Variants in SGCZ observed in about 807,000 individuals in gnomAD.
SGCZ encodes sarcoglycan zeta, also known as zeta-sarcoglycan.
SGCZ carries 40 observed loss-of-function variants against 41.3 expected under a neutral mutation model. The ratio of observed to expected loss-of-function variants is 0.97; its 90% CI spans 0.75 to 1.26. The LOEUF (loss-of-function observed/expected upper bound fraction) is 1.26. Among genes scored for constraint, SGCZ ranks in the 50% most tolerant of loss-of-function variants. The pLI is 0.00. For missense variants in SGCZ, 552 were observed against 369.8 expected (o/e 1.49, Z -4.04); for synonymous variants, 206 against 137.5 (o/e 1.50, Z -3.49).
intron 1 of SGCZ, among the ~76,000 whole-genome samples, chr8:14,776,695 G>C (rs925779827): frequency 1.3e-5 from 2 of 151,412 alleles, no homozygotes; most frequent in Non-Finnish European, 2.9e-5. Flanking sequence ...GGGTTTCACC[G>C]TGTTAGCCAG....
At chr8:14,210,626 C>A (rs1014502906) in intron 4 of SGCZ, among the ~76,000 whole-genome samples, 4 of 151,762 alleles carry the variant, frequency 2.6e-5, no homozygotes, top group Non-Finnish European at 4.4e-5. Context: ...CCACTCTCTG[C>A]TAAATTTTTT....
intron 1 of SGCZ, among the ~76,000 whole-genome samples, chr8:14,711,805 T>C (rs1054727091): frequency 5.9e-5 from 9 of 152,156 alleles, no homozygotes; most frequent in African/African-American, 2.2e-4. Flanking sequence ...TGATAGGAGA[T>C]GGACAAAGAA....
At chr8:14,266,947 A>G (rs17118885) in intron 3 of SGCZ, among the ~76,000 whole-genome samples, 5,291 of 152,210 alleles carry the variant, frequency 0.035, 280 homozygotes, top group African/African-American at 0.11. Flanking sequence ...TTTACTAGCT[A>G]AATGACTTCT....
At chr8:14,364,811 A>C (rs928719190) in intron 2 of SGCZ, among the ~76,000 whole-genome samples, 1 of 152,116 alleles carries the variant, frequency 6.6e-6, no homozygotes, top group Non-Finnish European at 1.5e-5. Flanking sequence ...AATCGTTTAT[A>C]ATCTTTGCCC....
intron 1 of SGCZ, among the ~76,000 whole-genome samples, chr8:15,140,274 A>G (rs1808272721): frequency 6.6e-6 from 1 of 152,056 alleles, no homozygotes; most frequent in Non-Finnish European, 1.5e-5. Context: ...ATCCTCCCAC[A>G]TTGGCCTCCC....
intron 1 of SGCZ, among the ~76,000 whole-genome samples, chr8:14,952,840 A>G (rs1042331142): frequency 6.6e-6 from 1 of 152,316 alleles, no homozygotes; most frequent in Admixed American, 6.5e-5. Flanking sequence ...TAGAAGAAAG[A>G]TGTCCTGATA....
intron 3 of SGCZ, among the ~76,000 whole-genome samples, chr8:14,305,097 G>C (rs1801308725): frequency 6.6e-6 from 1 of 152,066 alleles, no homozygotes; most frequent in Non-Finnish European, 1.5e-5. Flanking sequence ...TGTAAAGATG[G>C]TAGATAAAAT....
At chr8:14,270,219 C>G (rs1314370594) in intron 3 of SGCZ, among the ~76,000 whole-genome samples, 1 of 152,002 alleles carries the variant, frequency 6.6e-6, no homozygotes, top group Non-Finnish European at 1.5e-5. Flanking sequence ...GTAATCCCAG[C>G]TACTAGGGAG....
chr8:14,622,773 A>G lies in SGCZ; in HGVS notation c.40-67847T>C, dbSNP rs189452155. Among the ~76,000 whole-genome samples the G allele has an allele frequency of 1.9e-3, 288 of 152,320 alleles. 6 individuals are homozygous for G. Among genetic ancestry groups the G allele is most frequent in the Admixed American group, 0.018 (275 of 15,286 alleles). ...AAACCAGAAGACTAAGGGTGCCAAT[A>G]ATAAATCAAAATAAATTTCACTGAT... On this transcript the variant is annotated intron_variant, in intron 1 of 7. Transcript: ENST00000382080.
At chr8:14,530,125 G>A (rs1248992796) in intron 2 of SGCZ, among the ~76,000 whole-genome samples, 1 of 151,788 alleles carries the variant, frequency 6.6e-6, no homozygotes, top group African/African-American at 2.4e-5. Flanking sequence ...CCATGCATTT[G>A]CGTATTATGG....
chr8:15,007,464 A>T (rs961872661), intron 1 of SGCZ, among the ~76,000 whole-genome samples: 1 of 152,260 alleles, frequency 6.6e-6, no homozygotes, highest in African/African-American at 2.4e-5. Flanking sequence ...GAGAGGCAAC[A>T]GAGGGTAATA....
At chr8:14,377,703 C>T (rs1804186105) in intron 2 of SGCZ, among the ~76,000 whole-genome samples, 2 of 151,376 alleles carry the variant, frequency 1.3e-5, no homozygotes, top group South Asian at 2.1e-4. Flanking sequence ...CAACAGTCCT[C>T]AGAGTGTGAT....
At chr8:14,510,022 G>A (rs1189159758) in intron 2 of SGCZ, among the ~76,000 whole-genome samples, 1 of 152,054 alleles carries the variant, frequency 6.6e-6, no homozygotes, top group South Asian at 2.1e-4. Context: ...TGACATTTGG[G>A]TGGGAACACA....
chr8:14,975,625 G>A (rs1001904248), intron 1 of SGCZ, among the ~76,000 whole-genome samples: 1 of 152,024 alleles, frequency 6.6e-6, no homozygotes, highest in African/African-American at 2.4e-5. Flanking sequence ...TGTGTAGTAT[G>A]CTTTGTAACC....
chr8:14,950,930 C>G (rs980571955), intron 1 of SGCZ, among the ~76,000 whole-genome samples: 1 of 151,872 alleles, frequency 6.6e-6, no homozygotes, highest in Non-Finnish European at 1.5e-5. Context: ...AATGAATACT[C>G]TAGGCTAAAA....
chr8:14,308,636 C>T (rs1801422940), intron 3 of SGCZ, among the ~76,000 whole-genome samples: 1 of 151,860 alleles, frequency 6.6e-6, no homozygotes, highest in Non-Finnish European at 1.5e-5. Context: ...ATAAAACATC[C>T]ATCCAGACAA....
chr8:14,426,796 G>T (rs950849374), intron 2 of SGCZ, among the ~76,000 whole-genome samples: 2 of 152,040 alleles, frequency 1.3e-5, no homozygotes, highest in African/African-American at 2.4e-5. Flanking sequence ...TAAAATAAAT[G>T]GCTTAAAGTG....
At position 14,183,597 on chromosome 8, in the gene SGCZ, C is replaced by G. The variant is rs76996529; in HGVS notation, c.425-18895G>C. Among the ~76,000 whole-genome samples the G allele has an allele frequency of 4.4e-3, 677 of 152,230 alleles. 6 individuals carry two copies. Among genetic ancestry groups the G allele is most frequent in the African/African-American group, 0.016 (646 of 41,560 alleles). On this transcript the variant is annotated intron_variant, in intron 4 of 7. Coordinates refer to ENST00000382080, the MANE Select transcript of SGCZ (RefSeq NM_139167.4). ...TACCTTGAGAGTTTGAAAGAGAACA[C>G]GGAATATTATCTCAGCATAGTTACA...
chr8:14,539,154 G>A (rs1490756212), intron 2 of SGCZ, among the ~76,000 whole-genome samples: 1 of 151,984 alleles, frequency 6.6e-6, no homozygotes, highest in Non-Finnish European at 1.5e-5. Flanking sequence ...ATAGAATTCG[G>A]CCAGCAGATT....
Sources: allele counts gnomAD v4.1 joint callset (sites outside exome capture counted in the v4.1 genomes callset), GRCh38; gene constraint gnomAD v4.1.1; transcripts MANE v1.5; gene names NCBI Gene and HGNC (gene_info 2026-07-23, HGNC 2026-07-21).